GARNL3: variants seen among roughly 807,000 people sequenced by gnomAD.
The protein encoded by GARNL3 is GTPase activating Rap/RanGAP domain like 3.
GARNL3 carries 63 observed loss-of-function variants against 125.0 expected under a neutral mutation model. The ratio of observed to expected loss-of-function variants is 0.50; its 90% CI spans 0.41 to 0.62. The LOEUF (loss-of-function observed/expected upper bound fraction) is 0.62, where lower values mean the gene tolerates loss of function less well. GARNL3 is among the 20% of genes least tolerant of loss of function. The pLI is 0.00. For missense variants in GARNL3, 994 were observed against 1,244.0 expected (o/e 0.80, Z 3.02); for synonymous variants, 439 against 457.5 (o/e 0.96, Z 0.52).
chr9:127,251,528 C>T (rs111497065), intron 2 of GARNL3, among the ~76,000 whole-genome samples: 95 of 152,250 alleles, frequency 6.2e-4, no homozygotes, highest in African/African-American at 1.8e-3. Flanking sequence ...TCTTCCACTA[C>T]GTGGTCTGAA....
At chr9:127,292,259 G>C (rs2064445182) in intron 2 of GARNL3, among the ~76,000 whole-genome samples, 1 of 152,126 alleles carries the variant, frequency 6.6e-6, no homozygotes, top group Non-Finnish European at 1.5e-5. Context: ...CCCCTGAATA[G>C]GTACCCACAT....
intron 20 of GARNL3, chr9:127,356,623 T>C (rs1267612652): frequency 6.6e-6 from 1 of 152,280 alleles, no homozygotes; most frequent in Admixed American, 6.5e-5. Context: ...AATCTTGCTC[T>C]ACTTAAGTGT....
At chr9:127,307,421 C>A (rs1400699614) in intron 2 of GARNL3, among the ~76,000 whole-genome samples, 4 of 152,154 alleles carry the variant, frequency 2.6e-5, no homozygotes, top group Non-Finnish European at 5.9e-5. Context: ...CTCTTGGAGG[C>A]CCCAGAAGTT....
At chr9:127,316,190 G>A (rs2065236037) in intron 4 of GARNL3, among the ~76,000 whole-genome samples, 1 of 152,192 alleles carries the variant, frequency 6.6e-6, no homozygotes, top group African/African-American at 2.4e-5. Context: ...ACCCAGTGCA[G>A]CACTGGAGCC....
At chr9:127,331,720 C>CTGTTTTTTTTTTTTTTTTTTTTTTTTTTT (rs1829253372) in intron 7 of GARNL3, among the ~76,000 whole-genome samples, 1 of 74,416 alleles carries the variant, frequency 1.3e-5, no homozygotes, top group Non-Finnish European at 2.5e-5. Context: ...CTTGGGCTTG[C>CTGTTTTTTTTTTTTTTTTTTTTTTTTTTT]TTTTTTTTTT....
chr9:127,379,619 T>A (rs1832132303), intron 22 of GARNL3, among the ~76,000 whole-genome samples: 1 of 152,168 alleles, frequency 6.6e-6, no homozygotes, highest in Non-Finnish European at 1.5e-5. Flanking sequence ...GAGTTCTTGA[T>A]TGTCTGTTAC....
chr9:127,259,175 C>T (rs895888664), upstream of GARNL3, among the ~76,000 whole-genome samples: 9 of 152,168 alleles, frequency 5.9e-5, no homozygotes, highest in African/African-American at 2.2e-4. Context: ...ACTCTTGACT[C>T]TTTGGAGGAG....
intron 6 of GARNL3, 115 bp downstream of exon 6, chr9:127,320,893 C>T (rs2065378631): frequency 8.7e-6 from 6 of 685,748 alleles, no homozygotes; most frequent in Non-Finnish European, 1.5e-5. Context: ...ACCTATGCAA[C>T]TTTAAAAAAA....
chr9:127,311,868 A>G, intron 3 of GARNL3, 133 bp downstream of exon 3: 1 of 615,046 alleles, frequency 1.6e-6, no homozygotes, highest in Non-Finnish European at 2.9e-6. Flanking sequence ...TTTCACTTCA[A>G]GGTCAGTAGT....
rs1376826352 is a variant in GARNL3, at chr9:127,265,034, T to A, written c.144+13T>A. 6.2e-7 allele frequency: 1 copy of A among 1,609,304 alleles called. No individual in the cohort carries two copies. Among genetic ancestry groups the A allele is most frequent in the Non-Finnish European group, 8.5e-7 (1 of 1,177,110 alleles). On this transcript the variant is annotated intron_variant, in intron 1 of 27. Transcript: ENST00000373387. ...ATCTGTGGAGCTGGTAAGTTTATGC[T>A]GTCTGTTCAGTGGTAGTACATTGAT...
intron 1 of GARNL3, among the ~76,000 whole-genome samples, chr9:127,232,703 G>A (rs2063040371): frequency 6.6e-6 from 1 of 152,190 alleles, no homozygotes; most frequent in Non-Finnish European, 1.5e-5. Flanking sequence ...GACAAGCAAA[G>A]GAGAGTTATT....
At chr9:127,228,005 T>C (rs2062943400) in intron 1 of GARNL3, among the ~76,000 whole-genome samples, 1 of 152,238 alleles carries the variant, frequency 6.6e-6, no homozygotes, top group South Asian at 2.1e-4. Flanking sequence ...TAAATGTTTA[T>C]TTACCCATAA....
chr9:127,388,643 CT>C, intron 25 of GARNL3: 1 of 494,766 alleles, frequency 2.0e-6, no homozygotes, highest in South Asian at 2.2e-5. Flanking sequence ...CAGCTTTTTG[CT>C]TTTCTTGTCT....
At chr9:127,332,653 T>C (rs1267772299) in intron 8 of GARNL3, among the ~76,000 whole-genome samples, 2 of 152,196 alleles carry the variant, frequency 1.3e-5, no homozygotes, top group Non-Finnish European at 2.9e-5. Flanking sequence ...TTTTCTGTGA[T>C]TTTTATGAGA....
chr9:127,338,219 A>G (rs763072892), intron 12 of GARNL3, 58 bp downstream of exon 12: 3 of 1,297,318 alleles, frequency 2.3e-6, no homozygotes, highest in African/African-American at 1.5e-5. Flanking sequence ...TTAATTTAGC[A>G]TTGATTTTTA....
chr9:127,284,008 A>G (rs1215924247), intron 1 of GARNL3, among the ~76,000 whole-genome samples: 1 of 152,192 alleles, frequency 6.6e-6, no homozygotes, highest in African/African-American at 2.4e-5. Context: ...AATGAATGCA[A>G]AAGATCTGGT....
intron 27 of GARNL3, 122 bp downstream of exon 27, chr9:127,390,889 C>T: frequency 2.0e-6 from 2 of 998,436 alleles, no homozygotes; most frequent in Non-Finnish European, 3.0e-6. Context: ...AGCAGAGGGC[C>T]AGCAGCCTGT....
At chr9:127,224,870 C>G (rs1387464432) in intron 1 of GARNL3, among the ~76,000 whole-genome samples, 2 of 121,262 alleles carry the variant, frequency 1.6e-5, no homozygotes, top group Admixed American at 1.9e-4. Context: ...GCAAGAACCC[C>G]GCGGGGCTGG....
chr9:127,304,530 C>T (rs79330266), intron 2 of GARNL3, among the ~76,000 whole-genome samples: 64 of 99,228 alleles, frequency 6.4e-4, no homozygotes, highest in Admixed American at 8.9e-4. Flanking sequence ...TGGCTTTATT[C>T]TTTTTTTTTT....
Sources: allele counts gnomAD v4.1 joint callset (sites outside exome capture counted in the v4.1 genomes callset), GRCh38; gene constraint gnomAD v4.1.1; transcripts MANE v1.5; gene names NCBI Gene and HGNC (gene_info 2026-07-23, HGNC 2026-07-21).